The following CELF2 variants were observed in gnomAD, a reference collection of about 807,000 sequenced individuals.
CELF2 encodes the protein CUGBP Elav-like family member 2.
In CELF2, 8 loss-of-function variants were observed where a neutral mutation model predicts 62.6. That is an observed-to-expected ratio of 0.13 (90% confidence interval 0.07 to 0.23). CELF2 has a LOEUF of 0.23. Ranked by LOEUF, CELF2 falls within the 10% of genes least tolerant of loss-of-function variation. The pLI is 1.00. For missense variants in CELF2, 333 were observed against 671.0 expected (o/e 0.50, Z 5.56); for synonymous variants, 258 against 250.0 (o/e 1.03, Z -0.30).
the CELF2 span, among the ~76,000 whole-genome samples, chr10:10,754,239 G>A: frequency 6.6e-6 from 1 of 151,430 alleles, no homozygotes; most frequent in African/African-American, 2.4e-5. Flanking sequence ...CCAATTCTTA[G>A]GCTTAAGTGA....
intron 1 of CELF2, among the ~76,000 whole-genome samples, chr10:11,143,804 C>A (rs1241826149): frequency 1.3e-5 from 2 of 152,206 alleles, no homozygotes; most frequent in African/African-American, 4.8e-5. Context: ...TGCATTTATT[C>A]TCATCTTTTA....
chr10:11,265,343 T>G (rs536511748), intron 5 of CELF2, among the ~76,000 whole-genome samples: 1 of 152,222 alleles, frequency 6.6e-6, no homozygotes, highest in Admixed American at 6.5e-5. Flanking sequence ...TCTGCTTCAT[T>G]TGGAAATCTT....
At chr10:10,870,893 C>G (rs1462203103) in intron 1 of CELF2, among the ~76,000 whole-genome samples, 1 of 152,160 alleles carries the variant, frequency 6.6e-6, no homozygotes, top group African/African-American at 2.4e-5. Context: ...TTAGTTGCCT[C>G]CAGCCTTGTT....
Position 11,234,210 on chromosome 10 carries a change from T to C in CELF2, c.355-14943T>C, listed in dbSNP as rs1589533653. 2.0e-5 allele frequency among the ~76,000 whole-genome samples: 3 copies of C among 152,270 alleles called. No homozygotes were observed. In the South Asian group the frequency reaches 6.2e-4, roughly 32 times the overall value. On this transcript the variant is annotated intron_variant, in intron 3 of 12. Coordinates refer to ENST00000633077, the MANE Select transcript of CELF2 (RefSeq NM_001326342.2). ...TATCCTGTCACCTGCTGTTCTTCAT[T>C]CCCCTCCATGGCTGAGGTCTCAGCT... is the stretch of plus-strand genomic sequence containing the variant.
chr10:10,921,986 A>G (rs1335947843), intron 2 of CELF2, among the ~76,000 whole-genome samples: 1 of 152,216 alleles, frequency 6.6e-6, no homozygotes, highest in Non-Finnish European at 1.5e-5. Flanking sequence ...AGTGAGCCCA[A>G]TGTTGTCATG....
chr10:10,863,933 G>A (rs2060198658), intron 1 of CELF2, among the ~76,000 whole-genome samples: 1 of 152,120 alleles, frequency 6.6e-6, no homozygotes, highest in South Asian at 2.1e-4. Context: ...TTTCACATTA[G>A]CTCTATAAAA....
chr10:11,333,020 C>A lies in CELF2; in HGVS notation c.*3967C>A, dbSNP rs3814631. ...CTAAGACCATTTCATTCTGAAACTT[C>A]TTATCAATTACCTAAATCTCAACGA... On this transcript the variant is annotated 3_prime_UTR_variant, in exon 13 of 13. Coordinates refer to ENST00000633077, the MANE Select transcript of CELF2 (RefSeq NM_001326342.2). The A allele has an allele frequency of 3.5e-3, 537 of 152,594 alleles. 7 individuals are homozygous for A. Among genetic ancestry groups the A allele is most frequent in the East Asian group, 2.7e-3 (14 of 5,182 alleles). The allele number at this position is 152,594 out of a possible 1,614,324, so 9.5% of individuals were successfully genotyped here.
the CELF2 span, among the ~76,000 whole-genome samples, chr10:10,583,062 G>C: frequency 1.3e-5 from 2 of 152,138 alleles, no homozygotes; most frequent in Non-Finnish European, 2.9e-5. Flanking sequence ...AAATAGTATA[G>C]ACTTAAACCT....
In CELF2 at chr10:11,330,228, C is replaced by G. The variant is rs999368143; in HGVS notation, c.*1175C>G. 1 of 152,610 alleles carries G rather than the reference C, an allele frequency of 6.6e-6. No individual in the cohort carries two copies. Among genetic ancestry groups the G allele is most frequent in the Non-Finnish European group, 1.5e-5 (1 of 68,042 alleles). The allele number at this position is 152,610 out of a possible 1,614,324, so 9.5% of individuals were successfully genotyped here. A position where few individuals can be genotyped will look rare whatever the true frequency, so the allele number is the denominator to read the frequency against. ...TGGACCTTCTCCCCCTGTCCCTCAC[C>G]CCAAAACACCCGGAATCCATCCCGT... On this transcript the variant is annotated 3_prime_UTR_variant, in exon 13 of 13. Transcript: ENST00000633077. This position sits in a 1 kb window ranked among gnomAD's most constrained non-coding sequence, Gnocchi z 4.5.
Position 11,098,385 on chromosome 10 carries a change from C to T in CELF2, c.75-67101C>T, listed in dbSNP as rs2142330565. ...AAGCCGTGGCAAGTGTCTAATTCTC[C>T]CTCCTGCTTAGCTCCATTTGCCCTT... On this transcript the variant is annotated intron_variant, in intron 1 of 12. Transcript: ENST00000633077. The surrounding 1 kb of genome is among the most constrained non-coding windows in gnomAD (Gnocchi z 4.0). 1 of 152,346 alleles carries T rather than the reference C, an allele frequency of 6.6e-6. No individual in the cohort carries two copies. Among genetic ancestry groups the T allele is most frequent in the East Asian group, 1.9e-4 (1 of 5,178 alleles). 9.4% of individuals were successfully genotyped at this position (152,346 alleles called of 1,614,324 possible).
rs1021716423 is a variant in CELF2 at position 11,244,524 on chromosome 10, G to A, written c.355-4629G>A. Among the ~76,000 whole-genome samples the A allele has an allele frequency of 6.6e-5, 10 of 152,062 alleles. No homozygotes were observed. The highest frequency in any genetic ancestry group is 5.9e-4 in the Admixed American group (9 of 15,286). ...AAGAAAATTAGTTGGGCGTGGTGGCGGGCGCCTGTAGTCCCAGCTACTCAG... is the reference window on the plus strand; with the variant it reads ...AAGAAAATTAGTTGGGCGTGGTGGCAGGCGCCTGTAGTCCCAGCTACTCAG... On this transcript the variant is annotated intron_variant, in intron 3 of 12. Coordinates refer to ENST00000633077, the MANE Select transcript of CELF2 (RefSeq NM_001326342.2). This position sits in a 1 kb window ranked among gnomAD's most constrained non-coding sequence, Gnocchi z 4.2.
chr10:11,187,744 A>C lies in CELF2; in HGVS notation c.271+22062A>C, dbSNP rs562809161. ...AGTATGCAACTTCATGTATAGCATG[A>C]GAATCTACTTCCATTTCTCCCTTCG... On this transcript the variant is annotated intron_variant, in intron 2 of 12. Transcript: ENST00000633077. 2.0e-5 allele frequency among the ~76,000 whole-genome samples: 3 copies of C among 152,304 alleles called. No individual in the cohort carries two copies. In the South Asian group the frequency reaches 6.2e-4, roughly 32 times the overall value.
the CELF2 span, among the ~76,000 whole-genome samples, chr10:10,588,219 C>G: frequency 6.6e-6 from 1 of 152,214 alleles, no homozygotes; most frequent in African/African-American, 2.4e-5. Context: ...CTTGAGACAC[C>G]CTGGTGTCTT....
In CELF2 at chr10:11,036,103, GTACTTAA is replaced by G. The variant is rs534881746; in HGVS notation, c.74+17941_74+17947del. Reference sequence around the variant, plus strand: ...GCGTAAATACTCTGAAAGCCAGGCTGTACTTAAGCATCAGCCAGGATTCAGGTCAGAC... The same window carrying G: ...GCGTAAATACTCTGAAAGCCAGGCTGGCATCAGCCAGGATTCAGGTCAGAC... On this transcript the variant is annotated intron_variant, in intron 1 of 12. Coordinates refer to ENST00000633077, the MANE Select transcript of CELF2 (RefSeq NM_001326342.2). Among the ~76,000 whole-genome samples, 30 of 152,362 alleles carry G rather than the reference GTACTTAA, an allele frequency of 2.0e-4. No individual in the cohort carries two copies. The South Asian group carries it at 6.0e-3, about 30-fold the overall frequency.
At chr10:10,540,401 T>C in the CELF2 span, among the ~76,000 whole-genome samples, 9 of 152,150 alleles carry the variant, frequency 5.9e-5, no homozygotes, top group Non-Finnish European at 1.2e-4. Context: ...CCTTTTGCTT[T>C]GGGGGCTATT....
chr10:10,688,653 C>G, the CELF2 span, among the ~76,000 whole-genome samples: 2 of 152,156 alleles, frequency 1.3e-5, no homozygotes, highest in African/African-American at 4.8e-5. Context: ...AAGAATGGAA[C>G]CAATACTTTA....
At chr10:11,147,240 G>C (rs1362906969) in intron 1 of CELF2, among the ~76,000 whole-genome samples, 1 of 152,142 alleles carries the variant, frequency 6.6e-6, no homozygotes, top group East Asian at 1.9e-4. Flanking sequence ...TTTTGTTTTT[G>C]TGAAGGATGA....
chr10:11,228,990 G>A (rs2067628110), intron 3 of CELF2, among the ~76,000 whole-genome samples: 1 of 152,192 alleles, frequency 6.6e-6, no homozygotes, highest in South Asian at 2.1e-4. Flanking sequence ...GTGCAGGAAA[G>A]TAGGCCGGAT....
At chr10:11,257,562 G>A (rs1210826682) in intron 4 of CELF2, 176 bp from the exon 5 acceptor site, 5 of 594,756 alleles carry the variant, frequency 8.4e-6, no homozygotes, top group Non-Finnish European at 1.5e-5. Flanking sequence ...AGGTGGGAGG[G>A]AGTGGCAGGG....
Sources: allele counts gnomAD v4.1 joint callset (sites outside exome capture counted in the v4.1 genomes callset), GRCh38; gene constraint gnomAD v4.1.1; non-coding constraint Gnocchi (gnomAD v3.1); transcripts MANE v1.5; gene names NCBI Gene and HGNC (gene_info 2026-07-23, HGNC 2026-07-21).